The following R3HDM2 variants were observed in gnomAD, a reference collection of about 807,000 sequenced individuals.
R3HDM2 encodes the protein R3H domain-containing protein 2.
R3HDM2 carries 38 observed loss-of-function variants against 124.5 expected under a neutral mutation model. The ratio of observed to expected loss-of-function variants is 0.31; its 90% CI spans 0.24 to 0.40. The LOEUF is 0.40. Ranked by LOEUF, R3HDM2 falls within the 10% of genes least tolerant of loss-of-function variation. The pLI is 1.00. For missense variants in R3HDM2, 869 were observed against 1,236.9 expected, an observed-to-expected ratio of 0.70 and a Z score of 4.46; for synonymous variants, 391 against 448.0, an observed-to-expected ratio of 0.87 and a Z score of 1.61.
At position 57,349,166 on chromosome 12, in the gene R3HDM2, G is replaced by C. The variant is rs1035893463; in HGVS notation, c.-35-38703C>G. ...GAGGCTGAGGCGGGCAGATCACGAGGTCAGGAGATTGAGACCATCCTGGCT... is the reference window on the plus strand; with the variant it reads ...GAGGCTGAGGCGGGCAGATCACGAGCTCAGGAGATTGAGACCATCCTGGCT... On this transcript the variant is annotated intron_variant, in intron 2 of 23. Coordinates refer to ENST00000402412, the MANE Select transcript of R3HDM2 (RefSeq NM_001394031.1). 4.6e-5 allele frequency among the ~76,000 whole-genome samples: 7 copies of C among 151,598 alleles called. No homozygotes were observed. The South Asian group carries it at 6.2e-4, about 13-fold the overall frequency.
chr12:57,413,066 T>C (rs1458799905), intron 1 of R3HDM2, among the ~76,000 whole-genome samples: 2 of 151,818 alleles, frequency 1.3e-5, no homozygotes, highest in African/African-American at 4.8e-5. Flanking sequence ...GGCAGGAGAA[T>C]TGCCTGAACC....
chr12:57,371,373 A>G (rs2063362323), intron 2 of R3HDM2, among the ~76,000 whole-genome samples: 1 of 152,184 alleles, frequency 6.6e-6, no homozygotes, highest in Non-Finnish European at 1.5e-5. Flanking sequence ...AAAACAAAAA[A>G]GAAACATCAG....
chr12:57,276,979 G>T (rs2044931352), intron 14 of R3HDM2, among the ~76,000 whole-genome samples: 1 of 151,624 alleles, frequency 6.6e-6, no homozygotes, highest in East Asian at 1.9e-4. Context: ...CAAATATGGT[G>T]CAGTGTATAC....
intron 2 of R3HDM2, among the ~76,000 whole-genome samples, chr12:57,364,911 C>T (rs1484651648): frequency 6.8e-6 from 1 of 146,496 alleles, no homozygotes; most frequent in Non-Finnish European, 1.5e-5. Context: ...CGAGATCACA[C>T]CACTGCACTC....
intron 1 of R3HDM2, chr12:57,430,489 G>GGCCCCCCACC: frequency 2.5e-6 from 2 of 790,578 alleles, no homozygotes; most frequent in Non-Finnish European, 3.1e-6. Context: ...CCACCCCCCT[G>GGCCCCCCACC]CCCCCGCACC....
At chr12:57,335,799 G>A (rs1200171831) in intron 2 of R3HDM2, among the ~76,000 whole-genome samples, 1 of 151,774 alleles carries the variant, frequency 6.6e-6, no homozygotes, top group Non-Finnish European at 1.5e-5. Flanking sequence ...CAGGCATGGT[G>A]GCTCACCGTT....
intron 2 of R3HDM2, among the ~76,000 whole-genome samples, chr12:57,349,895 G>A (rs998207706): frequency 6.6e-6 from 1 of 151,216 alleles, no homozygotes; most frequent in Non-Finnish European, 1.5e-5. Flanking sequence ...CTTCTGTGCT[G>A]TTCCTGTAAG....
intron 2 of R3HDM2, among the ~76,000 whole-genome samples, chr12:57,344,541 C>T (rs900291861): frequency 1.3e-4 from 20 of 152,256 alleles, no homozygotes; most frequent in Non-Finnish European, 2.6e-4. Context: ...AAATTAACAA[C>T]CTCACATGAC....
chr12:57,287,830 T>A (rs1157638812), intron 12 of R3HDM2, among the ~76,000 whole-genome samples: 1 of 152,112 alleles, frequency 6.6e-6, no homozygotes, highest in Non-Finnish European at 1.5e-5. Flanking sequence ...TGTATTATCC[T>A]CTGGGGTAGG....
intron 1 of R3HDM2, among the ~76,000 whole-genome samples, chr12:57,413,684 C>T (rs1192142748): frequency 4.6e-5 from 7 of 151,156 alleles, no homozygotes; most frequent in South Asian, 4.2e-4. Flanking sequence ...TGCAATGAGC[C>T]GAGATCGCAC....
intron 1 of R3HDM2, among the ~76,000 whole-genome samples, chr12:57,428,977 C>A (rs1244542976): frequency 2.0e-5 from 3 of 152,104 alleles, no homozygotes; most frequent in Non-Finnish European, 4.4e-5. Flanking sequence ...AAACTCCTGA[C>A]CTCAGGTGAT....
In R3HDM2 at chr12:57,430,860, G is replaced by C. The variant is rs1317781257; in HGVS notation, c.-246C>G. The C allele has an allele frequency of 6.7e-6, 1 of 148,758 alleles. No individual in the cohort carries two copies. Among genetic ancestry groups the C allele is most frequent in the East Asian group, 2.0e-4 (1 of 5,058 alleles). 9.2% of individuals were successfully genotyped at this position (148,758 alleles called of 1,614,324 possible). A position where few individuals can be genotyped will look rare whatever the true frequency, so the allele number is the denominator to read the frequency against. On this transcript the variant is annotated 5_prime_UTR_variant, in exon 1 of 24. Transcript: ENST00000402412. Reference sequence around the variant, plus strand: ...CTTTTCTCGGCCGGGGCTTCCCCGGGGCCGAGGGCTGGGAAGCAGGGGGGA... The same window carrying C: ...CTTTTCTCGGCCGGGGCTTCCCCGGCGCCGAGGGCTGGGAAGCAGGGGGGA...
intron 1 of R3HDM2, among the ~76,000 whole-genome samples, chr12:57,397,580 G>T (rs2067673874): frequency 6.6e-6 from 1 of 152,080 alleles, no homozygotes; most frequent in African/African-American, 2.4e-5. Flanking sequence ...GGCTAAAGTT[G>T]CGAAGGAATG....
In R3HDM2 at chr12:57,294,229, A is replaced by T. The variant is rs535676293; in HGVS notation, c.810+1170T>A. Among the ~76,000 whole-genome samples, 3 of 152,306 alleles carry T rather than the reference A, an allele frequency of 2.0e-5. No homozygotes were observed. In the South Asian group the frequency reaches 6.2e-4, roughly 32 times the overall value. ...AACGTCACAGACAGAAAGTACACAG[A>T]AACAACCCTATTGGATCAAGCCTGA... On this transcript the variant is annotated intron_variant, in intron 10 of 23. Transcript: ENST00000402412.
chr12:57,257,894 G>T, intron 21 of R3HDM2, 96 bp downstream of exon 21: 1 of 1,295,376 alleles, frequency 7.7e-7, no homozygotes, highest in Non-Finnish European at 1.0e-6. Flanking sequence ...CATCTACACT[G>T]GTCCTCTGCC....
chr12:57,326,322 A>G (rs2057309719), intron 2 of R3HDM2, among the ~76,000 whole-genome samples: 1 of 152,232 alleles, frequency 6.6e-6, no homozygotes, highest in African/African-American at 2.4e-5. Context: ...GGCATGTTGA[A>G]AGCCAAGACA....
intron 3 of R3HDM2, among the ~76,000 whole-genome samples, chr12:57,307,316 T>TC (rs2052848945): frequency 6.6e-6 from 1 of 151,076 alleles, no homozygotes; most frequent in South Asian, 2.1e-4. Flanking sequence ...GTTTTTTTGT[T>TC]GTTGTTTTGT....
intron 19 of R3HDM2, among the ~76,000 whole-genome samples, chr12:57,259,696 A>G (rs2040162907): frequency 6.6e-6 from 1 of 152,216 alleles, no homozygotes; most frequent in East Asian, 1.9e-4. Flanking sequence ...CGTTTATTTA[A>G]CAAACTCTTA....
intron 2 of R3HDM2, among the ~76,000 whole-genome samples, chr12:57,311,223 TTATA>T (rs906914579): frequency 4.0e-5 from 6 of 149,184 alleles, no homozygotes; most frequent in African/African-American, 7.4e-5. Flanking sequence ...CTATAAAATC[TTATA>T]TATATATATA....
Sources: gnomAD v4.1 joint callset for allele counts (sites outside exome capture counted in the v4.1 genomes callset) on GRCh38, gnomAD v4.1.1 for gene constraint, MANE v1.5 for transcripts, NCBI Gene and HGNC (gene_info 2026-07-23, HGNC 2026-07-21) for gene names.